Variants in PTPRD observed in about 807,000 individuals in gnomAD.
PTPRD encodes receptor-type tyrosine-protein phosphatase delta.
PTPRD carries 34 observed loss-of-function variants against 214.5 expected under a neutral mutation model. That is an observed-to-expected ratio of 0.16 (90% CI 0.12 to 0.21). The LOEUF is 0.21. Among genes scored for constraint, PTPRD ranks in the 10% least tolerant of loss-of-function variants. PTPRD has a pLI of 1.00. For synonymous variants in PTPRD, 1,128 were observed against 845.7 expected (o/e 1.33, Z -5.79); for missense variants, 2,545 against 2,398.7 (o/e 1.06, Z -1.27).
At chr9:9,281,946 A>G (rs1175318973) in intron 9 of PTPRD, among the ~76,000 whole-genome samples, 5 of 151,400 alleles carry the variant, frequency 3.3e-5, no homozygotes, top group Non-Finnish European at 7.4e-5. Context: ...TGAGTTATCA[A>G]GCCATGAAAA....
intron 11 of PTPRD, among the ~76,000 whole-genome samples, chr9:9,015,460 G>A (rs117904855): frequency 0.028 from 4,277 of 152,210 alleles, 80 homozygotes; most frequent in Middle Eastern, 0.092. Flanking sequence ...ACCCTACATT[G>A]TCTGAAAAGG....
intron 7 of PTPRD, among the ~76,000 whole-genome samples, chr9:9,664,083 C>T (rs2096669293): frequency 8.6e-6 from 1 of 116,106 alleles, no homozygotes; most frequent in Admixed American, 1.0e-4. Context: ...ATTTACACTC[C>T]TGTGTAAAAA....
intron 2 of PTPRD, among the ~76,000 whole-genome samples, chr9:10,411,368 T>C (rs1169805160): frequency 6.6e-6 from 1 of 151,794 alleles, no homozygotes; most frequent in Admixed American, 6.6e-5. Context: ...ATTTCCCAGT[T>C]CATCATGAAA....
At chr9:9,747,093 T>C (rs1255711255) in intron 6 of PTPRD, among the ~76,000 whole-genome samples, 1 of 152,162 alleles carries the variant, frequency 6.6e-6, no homozygotes, top group East Asian at 1.9e-4. Flanking sequence ...TGGAGAGAAA[T>C]GTATTGTAGA....
chr9:8,520,750 A>C (rs1446490114), intron 20 of PTPRD, among the ~76,000 whole-genome samples: 2 of 152,204 alleles, frequency 1.3e-5, no homozygotes, highest in African/African-American at 4.8e-5. Flanking sequence ...AAGGTGAAAG[A>C]TAAAACTACA....
intron 9 of PTPRD, among the ~76,000 whole-genome samples, chr9:9,339,286 G>A (rs945964717): frequency 6.6e-6 from 1 of 151,372 alleles, no homozygotes; most frequent in Non-Finnish European, 1.5e-5. Context: ...GACCATCCTG[G>A]CTAACATGGT....
intron 34 of PTPRD, among the ~76,000 whole-genome samples, chr9:8,440,660 T>C (rs1397082125): frequency 6.6e-6 from 1 of 152,196 alleles, no homozygotes; most frequent in Non-Finnish European, 1.5e-5. Flanking sequence ...AGACTTTTTA[T>C]TTTGAAGCTA....
At chr9:10,202,946 G>T (rs1230991213) in intron 3 of PTPRD, among the ~76,000 whole-genome samples, 1 of 151,642 alleles carries the variant, frequency 6.6e-6, no homozygotes, top group Non-Finnish European at 1.5e-5. Flanking sequence ...CTAACCTCCA[G>T]AACTATGAGA....
intron 9 of PTPRD, among the ~76,000 whole-genome samples, chr9:9,266,905 G>A (rs765307507): frequency 6.6e-6 from 1 of 150,416 alleles, no homozygotes; most frequent in African/African-American, 2.4e-5. Flanking sequence ...GCTAGAAAAA[G>A]AAAACTAATG....
At chr9:10,190,748 A>T (rs1230368644) in intron 3 of PTPRD, among the ~76,000 whole-genome samples, 1 of 150,918 alleles carries the variant, frequency 6.6e-6, no homozygotes, top group Admixed American at 6.6e-5. Flanking sequence ...AAAAAAGTCA[A>T]AGTGGTGTTC....
chr9:9,712,826 C>T (rs2097760919), intron 7 of PTPRD, among the ~76,000 whole-genome samples: 1 of 151,866 alleles, frequency 6.6e-6, no homozygotes, highest in Admixed American at 6.6e-5. Flanking sequence ...GCATAGCTTT[C>T]AAAAAGAGAA....
At chr9:10,601,502 C>A (rs1020873089) in intron 2 of PTPRD, among the ~76,000 whole-genome samples, 1 of 151,572 alleles carries the variant, frequency 6.6e-6, no homozygotes, top group Non-Finnish European at 1.5e-5. Context: ...TCTGTGGAGA[C>A]CTAATCCAAT....
chr9:9,858,743 G>A (rs1403110155), intron 5 of PTPRD, among the ~76,000 whole-genome samples: 1 of 152,120 alleles, frequency 6.6e-6, no homozygotes, highest in Non-Finnish European at 1.5e-5. Flanking sequence ...TTATTTTACA[G>A]ATAGAGAAAA....
At chr9:9,199,965 T>A (rs2099940909) in intron 9 of PTPRD, among the ~76,000 whole-genome samples, 2 of 152,160 alleles carry the variant, frequency 1.3e-5, no homozygotes, top group Non-Finnish European at 2.9e-5. Context: ...TGATTGTAAA[T>A]TGGCAATGCC....
chr9:10,322,212 A>T (rs868836361), intron 3 of PTPRD, among the ~76,000 whole-genome samples: 1 of 152,196 alleles, frequency 6.6e-6, no homozygotes, highest in South Asian at 2.1e-4. Context: ...CAGTCAGTTT[A>T]ATGCATGACA....
chr9:8,957,959 T>C (rs1319408072), intron 11 of PTPRD, among the ~76,000 whole-genome samples: 1 of 39,142 alleles, frequency 2.6e-5, no homozygotes, highest in Admixed American at 3.8e-4. Context: ...TGCATTTAGA[T>C]CTTCAGAAGA....
intron 7 of PTPRD, among the ~76,000 whole-genome samples, chr9:9,727,112 A>G (rs1189889430): frequency 2.0e-5 from 3 of 152,188 alleles, no homozygotes; most frequent in African/African-American, 7.2e-5. Context: ...ACGTTCTTTC[A>G]ATGTATTAGC....
chr9:9,970,686 G>A (rs775044273), intron 4 of PTPRD, among the ~76,000 whole-genome samples: 1 of 152,084 alleles, frequency 6.6e-6, no homozygotes, highest in African/African-American at 2.4e-5. Flanking sequence ...GCATTCACCA[G>A]GAGTCGTCCC....
At chr9:10,612,112 G>A (rs2081162516) in intron 2 of PTPRD, among the ~76,000 whole-genome samples, 2 of 149,426 alleles carry the variant, frequency 1.3e-5, no homozygotes, top group East Asian at 2.0e-4. Context: ...AACAAAGCAG[G>A]CTTCCAATAG....
Sources: allele counts gnomAD v4.1 joint callset (sites outside exome capture counted in the v4.1 genomes callset), GRCh38; gene constraint gnomAD v4.1.1; transcripts MANE v1.5; gene names NCBI Gene and HGNC (gene_info 2026-07-23, HGNC 2026-07-21).